The following CSMD3 variants were observed in gnomAD, a reference collection of about 807,000 sequenced individuals.
CSMD3 encodes the protein CUB and Sushi multiple domains 3.
In CSMD3, 177 loss-of-function variants were observed where a neutral mutation model predicts 435.2. The ratio of observed to expected loss-of-function variants is 0.41; its 90% CI spans 0.36 to 0.46. CSMD3 has a LOEUF of 0.46. CSMD3 is among the 20% of genes least tolerant of loss of function. The probability of loss-of-function intolerance (pLI) is 0.34; values close to 1 mark genes in which losing one functional copy is unlikely to be tolerated. For missense variants in CSMD3, 4,265 were observed against 4,504.6 expected, an observed-to-expected ratio of 0.95 and a Z score of 1.52; for synonymous variants, 1,656 against 1,520.5, an observed-to-expected ratio of 1.09 and a Z score of -2.07.
intron 5 of CSMD3, among the ~76,000 whole-genome samples, chr8:113,090,557 A>C (rs893810625): frequency 6.6e-6 from 1 of 152,124 alleles, no homozygotes; most frequent in African/African-American, 2.4e-5. Flanking sequence ...TTATGAATAA[A>C]ATTTATGGAT....
chr8:112,538,145 T>A (rs150177685), intron 27 of CSMD3, among the ~76,000 whole-genome samples: 166 of 151,888 alleles, frequency 1.1e-3, no homozygotes, highest in Non-Finnish European at 2.0e-3. Flanking sequence ...AAATTCAGCA[T>A]CCCTTAATGA....
chr8:112,647,395 G>A (rs1279979338), intron 19 of CSMD3, among the ~76,000 whole-genome samples: 1 of 148,984 alleles, frequency 6.7e-6, no homozygotes, highest in Non-Finnish European at 1.5e-5. Flanking sequence ...TCCGCCCCCC[G>A]GGTTCACGCC....
intron 13 of CSMD3, among the ~76,000 whole-genome samples, chr8:112,783,987 A>G (rs951149140): frequency 2.0e-5 from 3 of 152,100 alleles, no homozygotes; most frequent in African/African-American, 7.2e-5. Flanking sequence ...TTCTAATACA[A>G]TTATAGCTGG....
chr8:112,816,607 TG>T (rs1265206983), intron 12 of CSMD3, among the ~76,000 whole-genome samples: 1 of 152,048 alleles, frequency 6.6e-6, no homozygotes, highest in Non-Finnish European at 1.5e-5. Flanking sequence ...GCAAATATCA[TG>T]TTTACTAGTA....
chr8:113,088,870 AT>A (rs2089902621), intron 5 of CSMD3, among the ~76,000 whole-genome samples: 2 of 152,092 alleles, frequency 1.3e-5, no homozygotes, highest in African/African-American at 2.4e-5. Flanking sequence ...TAATAAAAAA[AT>A]AAAATAAATA....
chr8:112,852,209 A>G (rs549190816), intron 11 of CSMD3, among the ~76,000 whole-genome samples: 1 of 152,334 alleles, frequency 6.6e-6, no homozygotes, highest in South Asian at 2.1e-4. Flanking sequence ...ATTTCCAATC[A>G]CTAACACCAA....
intron 42 of CSMD3, among the ~76,000 whole-genome samples, chr8:112,339,794 T>C (rs996662410): frequency 2.6e-5 from 4 of 152,188 alleles, no homozygotes; most frequent in Admixed American, 6.5e-5. Flanking sequence ...TCTGTGAATA[T>C]ATATGTTAAC....
intron 10 of CSMD3, among the ~76,000 whole-genome samples, chr8:112,872,885 A>T (rs2081176352): frequency 6.6e-6 from 1 of 152,000 alleles, no homozygotes; most frequent in Admixed American, 6.6e-5. Flanking sequence ...AAGGTCATCC[A>T]GGAGGGAAGG....
intron 18 of CSMD3, 69 bp from the exon 19 acceptor site, chr8:112,650,418 A>C (rs1193451000): frequency 3.1e-5 from 37 of 1,213,074 alleles, no homozygotes; most frequent in Non-Finnish European, 1.8e-5. Context: ...AATAATTCCT[A>C]GTTCTTCAAA....
intron 3 of CSMD3, among the ~76,000 whole-genome samples, chr8:113,223,400 G>A (rs1191019471): frequency 1.3e-5 from 2 of 150,110 alleles, no homozygotes; most frequent in East Asian, 2.0e-4. Flanking sequence ...GAAATTCTTC[G>A]TTTCCTAGTT....
chr8:112,944,991 T>C (rs966597238), intron 9 of CSMD3, among the ~76,000 whole-genome samples: 1 of 151,760 alleles, frequency 6.6e-6, no homozygotes, highest in African/African-American at 2.4e-5. Flanking sequence ...ATTTCAATTA[T>C]GTTCAACTAA....
intron 10 of CSMD3, among the ~76,000 whole-genome samples, chr8:112,921,017 A>G (rs1365795930): frequency 6.6e-6 from 1 of 150,628 alleles, no homozygotes; most frequent in Non-Finnish European, 1.5e-5. Context: ...ACACACACAC[A>G]CACACACACA....
chr8:112,272,429 G>A (rs1453546310), intron 59 of CSMD3, among the ~76,000 whole-genome samples: 2 of 151,978 alleles, frequency 1.3e-5, no homozygotes, highest in African/African-American at 4.8e-5. Flanking sequence ...TGGGCATATA[G>A]TAACCATAAA....
intron 9 of CSMD3, among the ~76,000 whole-genome samples, chr8:112,937,471 C>T (rs1345356504): frequency 2.0e-5 from 3 of 151,900 alleles, no homozygotes; most frequent in African/African-American, 4.8e-5. Flanking sequence ...CTGCCTCAGC[C>T]TCCCAAGTGG....
chr8:113,228,176 T>C (rs558402805), intron 3 of CSMD3, among the ~76,000 whole-genome samples: 2 of 151,642 alleles, frequency 1.3e-5, no homozygotes, highest in Non-Finnish European at 3.0e-5. Flanking sequence ...AAGAAGGTTT[T>C]CCTGTCTTCT....
chr8:113,190,891 T>C (rs2092574802), intron 3 of CSMD3, among the ~76,000 whole-genome samples: 1 of 151,826 alleles, frequency 6.6e-6, no homozygotes, highest in Non-Finnish European at 1.5e-5. Context: ...TTATTTCATA[T>C]TGAGTGTAAC....
intron 6 of CSMD3, among the ~76,000 whole-genome samples, chr8:112,987,210 TTTTGC>T: frequency 6.6e-6 from 1 of 152,196 alleles, no homozygotes; most frequent in South Asian, 2.1e-4. Context: ...ACCCAGATAA[TTTTGC>T]TGTATTCTAA....
At chr8:113,390,644 G>T (rs188164981) in intron 1 of CSMD3, among the ~76,000 whole-genome samples, 2 of 151,712 alleles carry the variant, frequency 1.3e-5, no homozygotes, top group Admixed American at 6.6e-5. Context: ...ACAAGGGAAC[G>T]CTTTGTCTTA....
Position 113,278,687 on chromosome 8 carries a change from A to T in CSMD3, c.419T>A (p.Leu140Gln). 1 of 1,567,374 alleles carries T rather than the reference A, an allele frequency of 6.4e-7. No homozygotes were observed. Among genetic ancestry groups the T allele is most frequent in the Non-Finnish European group, 8.8e-7 (1 of 1,137,850 alleles). ...NFRTRLTGFH[L>Q]PPPVTSTKSV... The stretch of plus-strand genomic sequence containing the variant: ...TTTGGTACTTGTCACTGGAGGTGGC[A>T]GATGGAATCCTGTTAACCTAAAACA... The change falls in exon 3 of 71, where the codon CTG becomes CAG. Residue 140 changes from leucine (L) to glutamine (Q), a missense_variant. Leu to Gln is a moderately radical substitution (Grantham distance 113). Transcript: ENST00000297405.
Sources: allele counts gnomAD v4.1 joint callset (sites outside exome capture counted in the v4.1 genomes callset), GRCh38; gene constraint gnomAD v4.1.1; transcripts MANE v1.5; gene names NCBI Gene and HGNC (gene_info 2026-07-23, HGNC 2026-07-21).